Variants in PIEZO2 observed in about 807,000 individuals in gnomAD.
PIEZO2 encodes piezo type mechanosensitive ion channel component 2.
PIEZO2 carries 172 observed loss-of-function variants against 337.3 expected under a neutral mutation model. The ratio of observed to expected loss-of-function variants is 0.51; its 90% CI spans 0.45 to 0.58. PIEZO2 has a LOEUF of 0.58. Among genes scored for constraint, PIEZO2 ranks in the 20% least tolerant of loss-of-function variants. The pLI, the probability that PIEZO2 is intolerant of heterozygous loss-of-function variation, is 0.00. For missense variants in PIEZO2, 3,028 were observed against 3,391.3 expected (o/e 0.89, Z 2.66); for synonymous variants, 1,251 against 1,228.5 (o/e 1.02, Z -0.38).
intron 2 of PIEZO2, among the ~76,000 whole-genome samples, chr18:11,013,243 A>T (rs894882554): frequency 1.3e-5 from 2 of 152,168 alleles, no homozygotes; most frequent in African/African-American, 4.8e-5. Context: ...TATTTACATG[A>T]GAAAGAAGGA....
intron 2 of PIEZO2, among the ~76,000 whole-genome samples, chr18:11,025,126 C>A (rs374232464): frequency 2.0e-4 from 31 of 152,216 alleles, no homozygotes; most frequent in African/African-American, 7.2e-4. Context: ...TGCTTACATT[C>A]ATCTCTGAGC....
chr18:11,082,501 T>C (rs2038783134), intron 1 of PIEZO2, among the ~76,000 whole-genome samples: 2 of 151,990 alleles, frequency 1.3e-5, no homozygotes, highest in South Asian at 4.1e-4. Context: ...GTATTTTTAG[T>C]AGAGATGGGG....
chr18:10,706,944 C>T (rs550415680), intron 40 of PIEZO2, among the ~76,000 whole-genome samples: 31 of 152,234 alleles, frequency 2.0e-4, no homozygotes, highest in Admixed American at 1.7e-3. Flanking sequence ...GTCACAGATA[C>T]CAGTATAGAC....
chr18:10,772,934 G>A (rs532212609), intron 20 of PIEZO2, among the ~76,000 whole-genome samples: 1 of 152,320 alleles, frequency 6.6e-6, no homozygotes, highest in East Asian at 1.9e-4. Flanking sequence ...TCCAATTGCT[G>A]ACTTTCTCCT....
At chr18:10,754,635 T>C (rs1221411232) in intron 27 of PIEZO2, among the ~76,000 whole-genome samples, 1 of 152,236 alleles carries the variant, frequency 6.6e-6, no homozygotes, top group Non-Finnish European at 1.5e-5. Context: ...GCTGGACTGA[T>C]TGTTTTCTTA....
At chr18:10,992,589 C>T (rs903311414) in intron 2 of PIEZO2, among the ~76,000 whole-genome samples, 31 of 152,124 alleles carry the variant, frequency 2.0e-4, no homozygotes, top group Admixed American at 1.7e-3. Flanking sequence ...TGGTCTATAT[C>T]TCTGTTTTGG....
At chr18:10,712,939 G>A (rs1051850575) in intron 39 of PIEZO2, among the ~76,000 whole-genome samples, 3 of 152,064 alleles carry the variant, frequency 2.0e-5, no homozygotes, top group Non-Finnish European at 4.4e-5. Context: ...TGAAATATCT[G>A]TGTCTTTGGA....
chr18:10,893,842 G>A (rs1436747557), intron 4 of PIEZO2, among the ~76,000 whole-genome samples: 2 of 151,950 alleles, frequency 1.3e-5, no homozygotes, highest in African/African-American at 4.8e-5. Context: ...AATATTCTTT[G>A]GGCATCTACT....
Position 10,736,688 on chromosome 18 carries a change from A to C in PIEZO2, c.4731T>G (p.Tyr1577Ter), listed in dbSNP as rs2037009360. The C allele has an allele frequency of 3.3e-6, 5 of 1,536,944 alleles. No individual in the cohort carries two copies. The highest frequency in any genetic ancestry group is 4.4e-6 in the Non-Finnish European group (5 of 1,146,776). Residue 1577 changes from tyrosine (Y) to a stop codon, truncating the protein, a stop_gained, in exon 34 of 56, where the codon TAT becomes TAG. Coordinates refer to ENST00000674853, the MANE Select transcript of PIEZO2 (RefSeq NM_001378183.1). LOFTEE classifies it high-confidence loss of function. ...CCTCTTCACTATCCGTTTCAAACAA[A>C]TAATAATCTCCACTCCTGACCACTA... is the stretch of plus-strand genomic sequence containing the variant. ...HASMVRSGDY[Y>*]LFETDSEEEE...
rs1370776234 is a variant in PIEZO2, at chr18:11,062,821, A to G, written c.160+3306T>C. Among the ~76,000 whole-genome samples the G allele has an allele frequency of 2.6e-5, 4 of 152,310 alleles. No individual in the cohort carries two copies. The East Asian group carries it at 7.7e-4, about 29-fold the overall frequency. ...TTTTACACTGTTGGTGGGACTGTAA[A>G]CTAGTTCAACCATTGTGGAAGTCAG... On this transcript the variant is annotated intron_variant, in intron 2 of 55. Coordinates refer to ENST00000674853, the MANE Select transcript of PIEZO2 (RefSeq NM_001378183.1).
At position 10,856,974 on chromosome 18, in the gene PIEZO2, C is replaced by G; in HGVS notation, c.703+27G>C. 1.3e-6 allele frequency: 2 copies of G among 1,531,578 alleles called. No homozygotes were observed. The highest frequency in any genetic ancestry group is 1.8e-6 in the Non-Finnish European group (2 of 1,142,004). The allele number at this position is 1,531,578 out of a possible 1,614,324, so 94.9% of individuals were successfully genotyped here. A position where few individuals can be genotyped will look rare whatever the true frequency, so the allele number is the denominator to read the frequency against. ...AAAGCACTGCTTGTGCCTTTTGCTA[C>G]GTGCAGCCAGTGTGGGAGACACTCA... is the stretch of plus-strand genomic sequence containing the variant. On this transcript the variant is annotated intron_variant, in intron 6 of 55. Coordinates refer to ENST00000674853, the MANE Select transcript of PIEZO2 (RefSeq NM_001378183.1). This position sits in a 1 kb window ranked among gnomAD's most constrained non-coding sequence, Gnocchi z 4.7.
rs556936941 is a variant in PIEZO2, at chr18:11,094,249, T to A, written c.65-28027A>T. Reference sequence around the variant, plus strand: ...CTTTATGTTCCAGCTTGAACGTATGTATGGTAGGTTAATCCTCCCAAATCA... The same window carrying A: ...CTTTATGTTCCAGCTTGAACGTATGAATGGTAGGTTAATCCTCCCAAATCA... On this transcript the variant is annotated intron_variant, in intron 1 of 55. Coordinates refer to ENST00000674853, the MANE Select transcript of PIEZO2 (RefSeq NM_001378183.1). The surrounding 1 kb of genome is among the most constrained non-coding windows in gnomAD (Gnocchi z 4.4). 1.3e-5 allele frequency among the ~76,000 whole-genome samples: 2 copies of A among 152,346 alleles called. No homozygotes were observed. Among genetic ancestry groups the A allele is most frequent in the South Asian group, 4.1e-4 (2 of 4,826 alleles).
Position 10,821,810 on chromosome 18 carries a change from G to A in PIEZO2, c.918-14536C>T, listed in dbSNP as rs2040528743. ...CTTCTTCCACACTTTTGTCTTTCTT[G>A]AATTCTTAGCAGAGAATCTCAGGAA... On this transcript the variant is annotated intron_variant, in intron 7 of 55. Transcript: ENST00000674853. This position sits in a 1 kb window ranked among gnomAD's most constrained non-coding sequence, Gnocchi z 4.2. Among the ~76,000 whole-genome samples, 1 of 152,070 alleles carries A rather than the reference G, an allele frequency of 6.6e-6. No individual in the cohort carries two copies. Among genetic ancestry groups the A allele is most frequent in the Non-Finnish European group, 1.5e-5 (1 of 68,026 alleles).
chr18:10,852,763 G>C (rs1426950785), intron 7 of PIEZO2, among the ~76,000 whole-genome samples: 2 of 152,216 alleles, frequency 1.3e-5, no homozygotes, highest in South Asian at 2.1e-4. Context: ...GAGAATTCTG[G>C]CACCGTCTTC....
Position 10,861,880 on chromosome 18 carries a change from T to C in PIEZO2, c.493-4669A>G, listed in dbSNP as rs2041882877. Among the ~76,000 whole-genome samples, 1 of 151,958 alleles carries C rather than the reference T, an allele frequency of 6.6e-6. No homozygotes were observed. Among genetic ancestry groups the C allele is most frequent in the African/African-American group, 2.4e-5 (1 of 41,372 alleles). Reference sequence around the variant, plus strand: ...TAAAACTACAAAAATTAGCTGGGCATGGTGGCGCACGCCTGTAATCCCAGC... The same window carrying C: ...TAAAACTACAAAAATTAGCTGGGCACGGTGGCGCACGCCTGTAATCCCAGC... On this transcript the variant is annotated intron_variant, in intron 5 of 55. Transcript: ENST00000674853. This position sits in a 1 kb window ranked among gnomAD's most constrained non-coding sequence, Gnocchi z 4.3.
intron 2 of PIEZO2, among the ~76,000 whole-genome samples, chr18:11,012,941 G>C (rs2035955699): frequency 6.6e-6 from 1 of 152,130 alleles, no homozygotes; most frequent in Admixed American, 6.5e-5. Context: ...GTACTTTGGA[G>C]GCTGAGGTGG....
chr18:10,872,861 G>C lies in PIEZO2; in HGVS notation c.330-1446C>G, dbSNP rs2144796872. Among the ~76,000 whole-genome samples, 1 of 152,234 alleles carries C rather than the reference G, an allele frequency of 6.6e-6. No homozygotes were observed. On this transcript the variant is annotated intron_variant, in intron 4 of 55. Transcript: ENST00000674853. The surrounding 1 kb of genome is among the most constrained non-coding windows in gnomAD (Gnocchi z 4.3). ...TACAAAATGAGTTTAAAATAGGGAG[G>C]ATACAGGTAGAGGAGTCAAGAGTCT...
At chr18:10,796,189 C>T (rs1434268420) in intron 12 of PIEZO2, among the ~76,000 whole-genome samples, 2 of 151,774 alleles carry the variant, frequency 1.3e-5, no homozygotes, top group Admixed American at 1.3e-4. Flanking sequence ...ACGGTGAAAC[C>T]CCGTCTCTAC....
chr18:10,972,769 C>T (rs1029350577), intron 3 of PIEZO2, among the ~76,000 whole-genome samples: 1 of 152,210 alleles, frequency 6.6e-6, no homozygotes, highest in African/African-American at 2.4e-5. Flanking sequence ...GGAGTTGCCT[C>T]TATTACCTTG....
Sources: gnomAD v4.1 joint callset for allele counts (sites outside exome capture counted in the v4.1 genomes callset) on GRCh38, gnomAD v4.1.1 for gene constraint, Gnocchi (gnomAD v3.1) non-coding constraint, MANE v1.5 for transcripts, NCBI Gene and HGNC (gene_info 2026-07-23, HGNC 2026-07-21) for gene names.